IQCJ: variants seen among roughly 807,000 people sequenced by gnomAD.
IQCJ encodes the protein IQ domain-containing protein J.
In IQCJ, 9 loss-of-function variants were observed where a neutral mutation model predicts 11.0. The observed-to-expected ratio is 0.82, with a 90% CI of 0.49 to 1.43. IQCJ has a LOEUF of 1.43. Ranked by LOEUF, IQCJ falls within the 40% of genes most tolerant of loss-of-function variation. The pLI is 0.00. For synonymous variants in IQCJ, 55 were observed against 51.3 expected (o/e 1.07, Z -0.31); for missense variants, 146 against 133.2 (o/e 1.10, Z -0.47).
intron 1 of IQCJ, among the ~76,000 whole-genome samples, chr3:159,101,676 G>T (rs2108100296): frequency 6.6e-6 from 1 of 152,248 alleles, no homozygotes; most frequent in African/African-American, 2.4e-5. Context: ...TTTGGACATG[G>T]ACTCAAGCCC....
intron 1 of IQCJ, among the ~76,000 whole-genome samples, chr3:159,109,194 A>T (rs149789196): frequency 7.9e-4 from 120 of 152,320 alleles, no homozygotes; most frequent in African/African-American, 2.5e-3. Flanking sequence ...AGTTGTTTCC[A>T]TGTGTGCTGT....
chr3:159,238,657 G>A lies in IQCJ; in HGVS notation c.10-7186G>A, dbSNP rs193054647. On this transcript the variant is annotated intron_variant, in intron 1 of 3. Coordinates refer to ENST00000397832, the MANE Select transcript of IQCJ (RefSeq NM_001042706.3). The stretch of plus-strand genomic sequence containing the variant: ...AGAGGTTGCTGAGGAAGGAGGGTGG[G>A]GTACCCAACTTTCTTTTTGGGTTAG... 1.7e-3 allele frequency among the ~76,000 whole-genome samples: 259 copies of A among 152,204 alleles called. 2 individuals carry two copies. The highest frequency in any genetic ancestry group is 6.1e-3 in the African/African-American group (252 of 41,534).
At chr3:159,228,001 C>T (rs561957236) in intron 1 of IQCJ, among the ~76,000 whole-genome samples, 4 of 152,310 alleles carry the variant, frequency 2.6e-5, no homozygotes, top group African/African-American at 9.6e-5. Context: ...CTGTGCACTG[C>T]AGGGTTAGCA....
chr3:159,226,114 C>G (rs900274565), intron 1 of IQCJ, among the ~76,000 whole-genome samples: 1 of 152,064 alleles, frequency 6.6e-6, no homozygotes, highest in African/African-American at 2.4e-5. Flanking sequence ...CCCTTCACAC[C>G]CCATTTTTTA....
intron 1 of IQCJ, among the ~76,000 whole-genome samples, chr3:159,207,020 A>T (rs1371742251): frequency 6.6e-6 from 1 of 152,256 alleles, no homozygotes; most frequent in South Asian, 2.1e-4. Context: ...GCTTCTCTCC[A>T]TTCTTGAGCC....
At chr3:159,182,314 CTCTT>C (rs1723135597) in intron 1 of IQCJ, among the ~76,000 whole-genome samples, 1 of 151,946 alleles carries the variant, frequency 6.6e-6, no homozygotes, top group Non-Finnish European at 1.5e-5. Context: ...TCAAGCCTGT[CTCTT>C]TCTCCACATG....
intron 3 of IQCJ, among the ~76,000 whole-genome samples, chr3:159,256,386 A>G (rs973136977): frequency 6.6e-5 from 10 of 152,336 alleles, no homozygotes; most frequent in Admixed American, 2.6e-4. Flanking sequence ...AGAGAGACAG[A>G]GAGAGATAGC....
At chr3:159,157,656 C>G (rs1026464019) in intron 1 of IQCJ, among the ~76,000 whole-genome samples, 2 of 152,112 alleles carry the variant, frequency 1.3e-5, no homozygotes, top group African/African-American at 4.8e-5. Context: ...TGAACAATTT[C>G]CCTTCTGCCC....
Position 159,074,294 on chromosome 3 carries a change from G to GA in IQCJ, c.9+4855dup, listed in dbSNP as rs571907212. ...GAGAAGAAATGAGGTCTTGAGTTAG[G>GA]AATGTAAAAAATAAAAAAGACATGA... On this transcript the variant is annotated intron_variant, in intron 1 of 3. Transcript: ENST00000397832. Among the ~76,000 whole-genome samples the GA allele has an allele frequency of 2.1e-3, 322 of 152,000 alleles. 2 individuals are homozygous for GA. The highest frequency in any genetic ancestry group is 1.6e-3 in the Non-Finnish European group (108 of 67,958).
rs1720730866 is a variant in IQCJ at position 159,143,229 on chromosome 3, T to TC, written c.9+73790dup. The stretch of plus-strand genomic sequence containing the variant: ...AGCAATGCTTATAAAACTCACATAG[T>TC]CCACAGCAGGACCACATTTAAAGAT... On this transcript the variant is annotated intron_variant, in intron 1 of 3. Transcript: ENST00000397832. 2.6e-5 allele frequency among the ~76,000 whole-genome samples: 4 copies of TC among 152,294 alleles called. No individual in the cohort carries two copies. The South Asian group carries it at 8.3e-4, about 32-fold the overall frequency.
At chr3:159,190,493 TG>T (rs1489326848) in intron 1 of IQCJ, among the ~76,000 whole-genome samples, 3 of 152,160 alleles carry the variant, frequency 2.0e-5, no homozygotes, top group Non-Finnish European at 2.9e-5. Context: ...GAGAGGCGCA[TG>T]AATCATAAGT....
intron 1 of IQCJ, among the ~76,000 whole-genome samples, chr3:159,137,017 A>C (rs1720328674): frequency 6.6e-6 from 1 of 152,130 alleles, no homozygotes; most frequent in African/African-American, 2.4e-5. Flanking sequence ...TAATCCCAGC[A>C]CTTTGGGAGA....
At chr3:159,187,114 A>T (rs946478703) in intron 1 of IQCJ, among the ~76,000 whole-genome samples, 1 of 152,266 alleles carries the variant, frequency 6.6e-6, no homozygotes, top group African/African-American at 2.4e-5. Context: ...CTACAGTTAA[A>T]TAAAAGCATT....
intron 1 of IQCJ, chr3:159,070,142 C>G (rs1275364532): frequency 6.2e-6 from 1 of 161,922 alleles, no homozygotes; most frequent in Non-Finnish European, 1.4e-5. Flanking sequence ...CCAAATCCTT[C>G]TATGTTTTCT....
intron 1 of IQCJ, among the ~76,000 whole-genome samples, chr3:159,206,037 T>C (rs1724639644): frequency 6.6e-6 from 1 of 152,158 alleles, no homozygotes; most frequent in African/African-American, 2.4e-5. Context: ...TCTTCTCTAT[T>C]CTTTGCTTCC....
chr3:159,187,793 G>A (rs1723456866), intron 1 of IQCJ, among the ~76,000 whole-genome samples: 1 of 152,160 alleles, frequency 6.6e-6, no homozygotes, highest in Non-Finnish European at 1.5e-5. Context: ...AGCATCTGAC[G>A]CCCCATAATT....
intron 1 of IQCJ, among the ~76,000 whole-genome samples, chr3:159,159,915 G>T (rs1721742227): frequency 6.6e-6 from 1 of 151,954 alleles, no homozygotes; most frequent in African/African-American, 2.4e-5. Flanking sequence ...AACTTCCTGA[G>T]GCCCTCACTA....
chr3:159,236,870 C>T (rs1397817212), intron 1 of IQCJ, among the ~76,000 whole-genome samples: 1 of 152,042 alleles, frequency 6.6e-6, no homozygotes, highest in East Asian at 1.9e-4. Flanking sequence ...TGGAGGGGAG[C>T]AGGTGAGGAA....
intron 1 of IQCJ, among the ~76,000 whole-genome samples, chr3:159,153,564 A>G (rs952874339): frequency 6.6e-6 from 1 of 152,238 alleles, no homozygotes; most frequent in Non-Finnish European, 1.5e-5. Context: ...TGTTCCTTGT[A>G]TTCTAGTTGT....
Sources: allele counts gnomAD v4.1 joint callset (sites outside exome capture counted in the v4.1 genomes callset), GRCh38; gene constraint gnomAD v4.1.1; transcripts MANE v1.5; gene names NCBI Gene and HGNC (gene_info 2026-07-23, HGNC 2026-07-21).